The following SSU72 variants were observed in gnomAD, a reference collection of about 807,000 sequenced individuals.
The protein encoded by SSU72 is SSU72 homolog, RNA polymerase II CTD phosphatase, also known as RNA polymerase II subunit A C-terminal domain phosphatase SSU72.
SSU72 carries 12 observed loss-of-function variants against 22.7 expected under a neutral mutation model. The ratio of observed to expected loss-of-function variants is 0.53; its 90% confidence interval spans 0.34 to 0.86. The LOEUF (loss-of-function observed/expected upper bound fraction) is 0.86, where lower values mean the gene tolerates loss of function less well. Among genes scored for constraint, SSU72 ranks in the 40% least tolerant of loss-of-function variants. The pLI is 0.02. For synonymous variants in SSU72, 116 were observed against 98.3 expected, an observed-to-expected ratio of 1.18 and a Z score of -1.06; for missense variants, 151 against 249.8, an observed-to-expected ratio of 0.60 and a Z score of 2.67.
At position 1,542,190 on chromosome 1, in the gene SSU72, A is replaced by C; in HGVS notation, c.484-23T>G. ...GATCTGCAAGGACAGGACCGTGGTG[A>C]GGGCCTTGCCCACTCCTGCCTGTCT... On this transcript the variant is annotated intron_variant, in intron 4 of 4. Transcript: ENST00000291386. This position sits in a 1 kb window ranked among gnomAD's most constrained non-coding sequence, Gnocchi z 4.4. 1 of 1,561,268 alleles carries C rather than the reference A, an allele frequency of 6.4e-7. No individual in the cohort carries two copies. The highest frequency in any genetic ancestry group is 8.7e-7 in the Non-Finnish European group (1 of 1,151,736).
Position 1,542,277 on chromosome 1 carries a change from A to G in SSU72, c.484-110T>C, listed in dbSNP as rs1642331469. 1 of 1,050,972 alleles carries G rather than the reference A, an allele frequency of 9.5e-7. No homozygotes were observed. The highest frequency in any genetic ancestry group is 2.1e-5 in the Admixed American group (1 of 47,964). 65.1% of individuals were successfully genotyped at this position (1,050,972 alleles called of 1,614,324 possible). On this transcript the variant is annotated intron_variant, in intron 4 of 4. Coordinates refer to ENST00000291386, the MANE Select transcript of SSU72 (RefSeq NM_014188.3). This position sits in a 1 kb window ranked among gnomAD's most constrained non-coding sequence, Gnocchi z 4.4. ...GGCCTGAGCCAGCAGAAACCAGCGC[A>G]GCAGGCAGGCCCTCACCCCACCGCT...
Position 1,542,821 on chromosome 1 carries a change from G to A in SSU72, c.484-654C>T, listed in dbSNP as rs1340814263. On this transcript the variant is annotated intron_variant, in intron 4 of 4. Transcript: ENST00000291386. This position sits in a 1 kb window ranked among gnomAD's most constrained non-coding sequence, Gnocchi z 4.4. ...TTTCTTATGACCTTTTCTCCTGCCAGGCGATCATGAAGACCGTCCCTGGCG... is the reference window on the plus strand; with the variant it reads ...TTTCTTATGACCTTTTCTCCTGCCAAGCGATCATGAAGACCGTCCCTGGCG... Among the ~76,000 whole-genome samples, 1 of 152,178 alleles carries A rather than the reference G, an allele frequency of 6.6e-6. No individual in the cohort carries two copies. Among genetic ancestry groups the A allele is most frequent in the African/African-American group, 2.4e-5 (1 of 41,450 alleles).
chr1:1,547,485 T>C (rs905452185), intron 2 of SSU72, among the ~76,000 whole-genome samples: 1 of 152,148 alleles, frequency 6.6e-6, no homozygotes, highest in African/African-American at 2.4e-5. Context: ...GGCGAGGAGA[T>C]GCGAGGTGAG....
At chr1:1,562,041 G>A (rs1570394909) in intron 2 of SSU72, 1 of 152,346 alleles carries the variant, frequency 6.6e-6, no homozygotes, top group East Asian at 1.9e-4. Flanking sequence ...CCGAATTCTG[G>A]GACACTGGGC....
At position 1,554,852 on chromosome 1, in the gene SSU72, T is replaced by C. The variant is rs3753331; in HGVS notation, c.225-9850A>G. ...CCCTGCTGCCGGCGCCAGCCCCACG[T>C]ACCCCCGACCACCTCAGCTCCTGGC... On this transcript the variant is annotated intron_variant, in intron 2 of 4. Transcript: ENST00000291386. The surrounding 1 kb of genome is among the most constrained non-coding windows in gnomAD (Gnocchi z 4.1). Among the ~76,000 whole-genome samples, 78,417 of 152,064 alleles carry C rather than the reference T, an allele frequency of 0.52. 24,549 individuals carry two copies. Among genetic ancestry groups the C allele is most frequent in the East Asian group, 0.84 (4,348 of 5,150 alleles).
At chr1:1,555,810 C>G (rs1265558176) in intron 2 of SSU72, among the ~76,000 whole-genome samples, 1 of 151,972 alleles carries the variant, frequency 6.6e-6, no homozygotes, top group African/African-American at 2.4e-5. Flanking sequence ...CCAGCCTGGG[C>G]AACAGGGCGA....
intron 1 of SSU72, among the ~76,000 whole-genome samples, chr1:1,565,631 T>C (rs1642651086): frequency 6.6e-6 from 1 of 152,256 alleles, no homozygotes; most frequent in Non-Finnish European, 1.5e-5. Context: ...CCCCACGATG[T>C]GGCTCCATGG....
chr1:1,549,070 A>G (rs1004970982), intron 2 of SSU72, among the ~76,000 whole-genome samples: 4 of 152,128 alleles, frequency 2.6e-5, no homozygotes, highest in African/African-American at 9.7e-5. Context: ...TCCAGGAGGG[A>G]CCCAGAGAGA....
At chr1:1,562,423 C>T (rs541110925) in intron 2 of SSU72, 59 of 152,380 alleles carry the variant, frequency 3.9e-4, no homozygotes, top group African/African-American at 1.4e-3. Context: ...AAGACCCAGC[C>T]CCAAACCAGA....
At chr1:1,555,777 T>C (rs1642513513) in intron 2 of SSU72, among the ~76,000 whole-genome samples, 1 of 150,088 alleles carries the variant, frequency 6.7e-6, no homozygotes, top group African/African-American at 2.5e-5. Context: ...GCAGGCAGAC[T>C]GCTTGAGTTC....
At chr1:1,566,323 C>T (rs890175235) in intron 1 of SSU72, among the ~76,000 whole-genome samples, 4 of 152,178 alleles carry the variant, frequency 2.6e-5, no homozygotes, top group Admixed American at 2.0e-4. Context: ...AAAGTCACAA[C>T]TGATACTTAT....
intron 2 of SSU72, chr1:1,564,515 C>T (rs1046908): frequency 9.2e-6 from 14 of 1,523,120 alleles, no homozygotes; most frequent in African/African-American, 2.8e-5. Flanking sequence ...CGCTATGTCA[C>T]GACCCTCTGC....
chr1:1,559,708 C>T (rs998540482), intron 2 of SSU72, among the ~76,000 whole-genome samples: 3 of 150,912 alleles, frequency 2.0e-5, no homozygotes, highest in Non-Finnish European at 2.9e-5. Context: ...TACAGGCACA[C>T]GCCACCACAC....
chr1:1,542,393 G>C lies in SSU72; in HGVS notation c.484-226C>G, dbSNP rs1292544949. Among the ~76,000 whole-genome samples the C allele has an allele frequency of 2.0e-5, 3 of 152,100 alleles. No homozygotes were observed. The highest frequency in any genetic ancestry group is 7.2e-5 in the African/African-American group (3 of 41,404). On this transcript the variant is annotated intron_variant, in intron 4 of 4. Transcript: ENST00000291386. This position sits in a 1 kb window ranked among gnomAD's most constrained non-coding sequence, Gnocchi z 4.4. ...CCGACCCTCACAGGACCTGAAGCTG[G>C]GAGGAGCTGGGAGGAGCCTGGAGCT... is the stretch of plus-strand genomic sequence containing the variant.
At chr1:1,560,715 A>C (rs1236055858) in intron 2 of SSU72, 1 of 152,246 alleles carries the variant, frequency 6.6e-6, no homozygotes, top group Non-Finnish European at 1.5e-5. Flanking sequence ...AGCTGAGAAT[A>C]GTGGCTCACG....
chr1:1,567,281 G>A (rs376074698), intron 1 of SSU72, among the ~76,000 whole-genome samples: 1 of 152,224 alleles, frequency 6.6e-6, no homozygotes. Context: ...AAACACCTGA[G>A]TCCCCTGAGG....
intron 3 of SSU72, 163 bp downstream of exon 3, chr1:1,544,700 G>C (rs555013820): frequency 1.1e-6 from 1 of 910,068 alleles, no homozygotes; most frequent in East Asian, 2.5e-5. Flanking sequence ...GTGGTTCAGC[G>C]ACCAGCGGCC....
At chr1:1,560,387 C>G (rs1411193175) in intron 2 of SSU72, among the ~76,000 whole-genome samples, 1 of 152,134 alleles carries the variant, frequency 6.6e-6, no homozygotes, top group Admixed American at 6.5e-5. Context: ...CTCAACTGAG[C>G]CTCCTGCCTC....
intron 2 of SSU72, among the ~76,000 whole-genome samples, chr1:1,552,153 G>A (rs576369015): frequency 2.6e-5 from 4 of 152,216 alleles, no homozygotes; most frequent in East Asian, 1.9e-4. Flanking sequence ...CGCTGGCCGC[G>A]TGGACGCAGG....
Sources: gnomAD v4.1 joint callset for allele counts (sites outside exome capture counted in the v4.1 genomes callset) on GRCh38, gnomAD v4.1.1 for gene constraint, Gnocchi (gnomAD v3.1) non-coding constraint, MANE v1.5 for transcripts, NCBI Gene and HGNC (gene_info 2026-07-23, HGNC 2026-07-21) for gene names.